The following ACTR3C variants were observed in gnomAD, a reference collection of about 807,000 sequenced individuals.
ACTR3C encodes the protein actin-related protein 3C.
Under a neutral mutation model 26.3 loss-of-function variants are expected in ACTR3C, and 18 were observed. That is an observed-to-expected ratio of 0.68 (90% CI 0.47 to 1.01). The LOEUF is 1.01. ACTR3C is among the 50% of genes least tolerant of loss of function. ACTR3C has a pLI of 0.00. For missense variants in ACTR3C, 184 were observed against 250.7 expected (o/e 0.73, Z 1.80); for synonymous variants, 55 against 94.5 (o/e 0.58, Z 2.42).
the ACTR3C span, among the ~76,000 whole-genome samples, chr7:149,893,124 T>C: frequency 1.1e-4 from 17 of 152,196 alleles, no homozygotes; most frequent in Non-Finnish European, 5.9e-5. Flanking sequence ...AGATTCCATT[T>C]TCCATTCAAA....
the ACTR3C span, among the ~76,000 whole-genome samples, chr7:149,943,751 G>A: frequency 1.9e-4 from 28 of 149,996 alleles, no homozygotes; most frequent in African/African-American, 5.8e-4. Context: ...TTGTATAAGC[G>A]GCAGGGAGTT....
chr7:150,039,487 A>G, the ACTR3C span, among the ~76,000 whole-genome samples: 1 of 63,246 alleles, frequency 1.6e-5, no homozygotes, highest in Non-Finnish European at 3.4e-5. Context: ...AAGAGGGGAT[A>G]GCTCTCAGTC....
the ACTR3C span, among the ~76,000 whole-genome samples, chr7:150,011,492 G>T: frequency 6.2e-4 from 94 of 152,304 alleles, no homozygotes; most frequent in South Asian, 9.5e-3. Flanking sequence ...GGCAGAGGCA[G>T]AACAACCGCT....
At chr7:149,927,066 T>C in the ACTR3C span, among the ~76,000 whole-genome samples, 1 of 47,912 alleles carries the variant, frequency 2.1e-5, no homozygotes, top group African/African-American at 4.7e-5. Flanking sequence ...CCAAATAAAC[T>C]TTTTTTTTTC....
the ACTR3C span, among the ~76,000 whole-genome samples, chr7:150,112,036 T>G: frequency 6.6e-6 from 1 of 150,704 alleles, no homozygotes; most frequent in Non-Finnish European, 1.5e-5. Context: ...CATTTATTCC[T>G]CCGACTCACT....
the ACTR3C span, among the ~76,000 whole-genome samples, chr7:149,898,004 T>C: frequency 6.6e-6 from 1 of 152,248 alleles, no homozygotes; most frequent in African/African-American, 2.4e-5. Context: ...CCTTTTCTCA[T>C]TGCAACTCAC....
At chr7:149,998,749 T>C in the ACTR3C span, among the ~76,000 whole-genome samples, 1 of 150,206 alleles carries the variant, frequency 6.7e-6, no homozygotes, top group African/African-American at 2.4e-5. Flanking sequence ...CAGAACCATA[T>C]CAATACCTCT....
chr7:149,936,316 G>C, the ACTR3C span, among the ~76,000 whole-genome samples: 145,493 of 152,184 alleles, frequency 0.96, 69,785 homozygotes, highest in East Asian at 1. Context: ...TGAGGGCCAA[G>C]CAAGTGATGA....
chr7:150,250,859 T>C (rs1344905000), intron 6 of ACTR3C, among the ~76,000 whole-genome samples: 1 of 152,068 alleles, frequency 6.6e-6, no homozygotes, highest in African/African-American at 2.4e-5. Flanking sequence ...AACCTAGATT[T>C]CGGAAGAGAG....
chr7:149,991,602 C>T, the ACTR3C span, among the ~76,000 whole-genome samples: 1 of 152,220 alleles, frequency 6.6e-6, no homozygotes, highest in Admixed American at 6.5e-5. Flanking sequence ...TTAATGATGT[C>T]ATCAAAGAAG....
At chr7:150,192,205 T>C in the ACTR3C span, among the ~76,000 whole-genome samples, 1 of 151,512 alleles carries the variant, frequency 6.6e-6, no homozygotes, top group Non-Finnish European at 1.5e-5. Flanking sequence ...TTTTGCCTGT[T>C]TCTGGTATTA....
chr7:150,258,505 C>T (rs1206230628), intron 6 of ACTR3C, among the ~76,000 whole-genome samples: 1 of 152,048 alleles, frequency 6.6e-6, no homozygotes, highest in Non-Finnish European at 1.5e-5. Flanking sequence ...GTCCACCTTT[C>T]AGTGGTCTGC....
At chr7:150,137,022 G>A in the ACTR3C span, among the ~76,000 whole-genome samples, 1 of 152,144 alleles carries the variant, frequency 6.6e-6, no homozygotes, top group Non-Finnish European at 1.5e-5. Flanking sequence ...TTCACAATAG[G>A]GTTCCCACTC....
the ACTR3C span, among the ~76,000 whole-genome samples, chr7:150,235,072 G>A: frequency 1.3e-5 from 2 of 152,124 alleles, no homozygotes; most frequent in African/African-American, 4.8e-5. Flanking sequence ...CTCTTCCAAT[G>A]AGATCACAGG....
At chr7:149,955,275 A>G in the ACTR3C span, among the ~76,000 whole-genome samples, 1 of 152,250 alleles carries the variant, frequency 6.6e-6, no homozygotes, top group Non-Finnish European at 1.5e-5. Flanking sequence ...AAGAAATGGA[A>G]ATGTTGCAAA....
At chr7:149,919,044 C>T in the ACTR3C span, among the ~76,000 whole-genome samples, 43,487 of 152,038 alleles carry the variant, frequency 0.29, 6,557 homozygotes, top group South Asian at 0.4. Flanking sequence ...ACAAGTTTTC[C>T]GGAATGTGTA....
At chr7:150,176,847 C>T in the ACTR3C span, among the ~76,000 whole-genome samples, 5 of 150,502 alleles carry the variant, frequency 3.3e-5, no homozygotes, top group Admixed American at 2.0e-4. Flanking sequence ...ATATAATTGC[C>T]GGTTTATACT....
At chr7:150,016,485 C>A in the ACTR3C span, among the ~76,000 whole-genome samples, 2 of 152,082 alleles carry the variant, frequency 1.3e-5, no homozygotes, top group Non-Finnish European at 2.9e-5. Context: ...TCCATGCAGA[C>A]CTCCTAGCCT....
intron 1 of ACTR3C, among the ~76,000 whole-genome samples, chr7:150,313,616 C>G (rs1221590438): frequency 6.6e-6 from 1 of 152,210 alleles, no homozygotes; most frequent in Non-Finnish European, 1.5e-5. Flanking sequence ...ATCCAACCCT[C>G]CCTTCCCATC....
Sources: gnomAD v4.1 joint callset for allele counts (sites outside exome capture counted in the v4.1 genomes callset) on GRCh38, gnomAD v4.1.1 for gene constraint, MANE v1.5 for transcripts, NCBI Gene and HGNC (gene_info 2026-07-23, HGNC 2026-07-21) for gene names.